The following MSRB3 variants were observed in gnomAD, a reference collection of about 807,000 sequenced individuals.
MSRB3 encodes methionine-R-sulfoxide reductase B3.
A neutral mutation model predicts 21.0 loss-of-function variants in MSRB3; 13 were observed. The observed-to-expected ratio is 0.62, with a 90% CI of 0.40 to 0.98. The LOEUF (loss-of-function observed/expected upper bound fraction) is 0.98. MSRB3 is among the 50% of genes least tolerant of loss of function. The pLI, the probability that MSRB3 is intolerant of heterozygous loss-of-function variation, is 0.00. For synonymous variants in MSRB3, 87 were observed against 88.6 expected, an observed-to-expected ratio of 0.98 and a Z score of 0.10; for missense variants, 199 against 230.3, an observed-to-expected ratio of 0.86 and a Z score of 0.88.
At chr12:65,363,517 A>C (rs1444425991) in intron 4 of MSRB3, among the ~76,000 whole-genome samples, 1 of 152,200 alleles carries the variant, frequency 6.6e-6, no homozygotes, top group Non-Finnish European at 1.5e-5. Context: ...TGATACTCGA[A>C]TTCTCCTAGT....
rs1452895339 is a variant in MSRB3 at position 65,348,997 on chromosome 12, C to T, written c.264-20001C>T. ...TATGTATACATGTGCCATGCTGGTG[C>T]GCTGCACCCACTAACTCGTCATCTA... is the stretch of plus-strand genomic sequence containing the variant. On this transcript the variant is annotated intron_variant, in intron 4 of 6. Coordinates refer to ENST00000308259, the MANE Select transcript of MSRB3 (RefSeq NM_001031679.3). Among the ~76,000 whole-genome samples the T allele has an allele frequency of 6.6e-5, 10 of 151,876 alleles. No homozygotes were observed. In the East Asian group the frequency reaches 7.8e-4, roughly 12 times the overall value.
intron 5 of MSRB3, among the ~76,000 whole-genome samples, chr12:65,376,450 C>T (rs1257548975): frequency 6.6e-6 from 1 of 152,172 alleles, no homozygotes; most frequent in Admixed American, 6.5e-5. Context: ...CCTGTGTTGT[C>T]AGCTCCACAT....
Position 65,313,289 on chromosome 12 carries a change from A to G in MSRB3, c.76+4634A>G, listed in dbSNP as rs185391600. Among the ~76,000 whole-genome samples, 8 of 152,250 alleles carry G rather than the reference A, an allele frequency of 5.3e-5. No homozygotes were observed. In the East Asian group the frequency reaches 1.5e-3, roughly 29 times the overall value. On this transcript the variant is annotated intron_variant, in intron 2 of 6. Transcript: ENST00000308259. The stretch of plus-strand genomic sequence containing the variant: ...ATTAAAGCCACATCCATCAGTAACA[A>G]GTACTTATTCAATTTGAGCTGGCAA...
chr12:65,446,385 C>T (rs553527672), intron 5 of MSRB3, among the ~76,000 whole-genome samples: 33 of 152,188 alleles, frequency 2.2e-4, no homozygotes, highest in Middle Eastern at 3.4e-3. Context: ...CCAGTTAAAG[C>T]GGCTAAAACT....
chr12:65,433,724 T>C (rs2136667682), intron 5 of MSRB3, among the ~76,000 whole-genome samples: 1 of 152,086 alleles, frequency 6.6e-6, no homozygotes, highest in East Asian at 1.9e-4. Context: ...ATTTAGTTTC[T>C]GCTTAGGGAA....
Position 65,459,101 on chromosome 12 carries a change from A to T in MSRB3, c.391-4054A>T, listed in dbSNP as rs114210979. On this transcript the variant is annotated intron_variant, in intron 6 of 6. Transcript: ENST00000308259. ...CAAATGGGAGACTAATAAATCACTT[A>T]ACTTTTTGTAATATTTTTTTAAGGA... Among the ~76,000 whole-genome samples the T allele has an allele frequency of 3.7e-3, 483 of 130,038 alleles. 2 individuals carry two copies. The highest frequency in any genetic ancestry group is 0.013 in the Middle Eastern group (3 of 226). 85.3% of individuals were successfully genotyped at this position (130,038 alleles called of 152,430 possible).
intron 4 of MSRB3, among the ~76,000 whole-genome samples, chr12:65,338,176 A>G (rs1280708410): frequency 6.6e-6 from 1 of 152,272 alleles, no homozygotes; most frequent in Non-Finnish European, 1.5e-5. Flanking sequence ...ATTCCCTGCC[A>G]TGTTTTCTGA....
At chr12:65,322,816 A>C (rs1592524071) in intron 2 of MSRB3, among the ~76,000 whole-genome samples, 1 of 152,270 alleles carries the variant, frequency 6.6e-6, no homozygotes, top group East Asian at 1.9e-4. Flanking sequence ...TGTATCTGTA[A>C]AATGGGCATG....
At chr12:65,386,704 T>C (rs1879212792) in intron 5 of MSRB3, among the ~76,000 whole-genome samples, 1 of 151,824 alleles carries the variant, frequency 6.6e-6, no homozygotes, top group African/African-American at 2.4e-5. Context: ...TCTTTAAGAG[T>C]AGTATTTTTA....
At chr12:65,403,168 G>A (rs1323527746) in intron 5 of MSRB3, among the ~76,000 whole-genome samples, 2 of 152,226 alleles carry the variant, frequency 1.3e-5, no homozygotes, top group Non-Finnish European at 2.9e-5. Context: ...AGAGCTGGCA[G>A]GCAGGAACGT....
At chr12:65,463,021 G>A (rs1257605773) in intron 6 of MSRB3, 134 bp from the exon 7 acceptor site, 28 of 1,104,360 alleles carry the variant, frequency 2.5e-5, no homozygotes, top group African/African-American at 1.1e-4. Context: ...ATTGACAGGC[G>A]GATTAGAAAT....
At chr12:65,439,406 C>T (rs988341632) in intron 5 of MSRB3, among the ~76,000 whole-genome samples, 2 of 151,446 alleles carry the variant, frequency 1.3e-5, no homozygotes, top group Non-Finnish European at 3.0e-5. Flanking sequence ...TAGAGGATAA[C>T]CCAATAGTAC....
chr12:65,334,421 AAAG>A (rs1875628588), intron 4 of MSRB3, among the ~76,000 whole-genome samples: 1 of 152,234 alleles, frequency 6.6e-6, no homozygotes, highest in African/African-American at 2.4e-5. Context: ...AACATTTAAA[AAAG>A]AAGAAAGTTA....
At chr12:65,307,114 T>C in intron 1 of MSRB3, 17 of 877,294 alleles carry the variant, frequency 1.9e-5, no homozygotes, top group Non-Finnish European at 2.3e-5. Flanking sequence ...TTGTGAGGTA[T>C]AGACCTTTGA....
intron 4 of MSRB3, among the ~76,000 whole-genome samples, chr12:65,337,953 T>A (rs747265870): frequency 6.6e-6 from 1 of 152,212 alleles, no homozygotes; most frequent in Non-Finnish European, 1.5e-5. Flanking sequence ...TTTGAGATAA[T>A]AGATTATGAT....
chr12:65,361,384 C>T (rs1453556090), intron 4 of MSRB3, among the ~76,000 whole-genome samples: 1 of 152,090 alleles, frequency 6.6e-6, no homozygotes, highest in East Asian at 1.9e-4. Context: ...TTCTGTTTGT[C>T]TCTGTTGGCT....
At chr12:65,293,541 C>T (rs1872776880) in intron 1 of MSRB3, among the ~76,000 whole-genome samples, 1 of 152,196 alleles carries the variant, frequency 6.6e-6, no homozygotes, top group Non-Finnish European at 1.5e-5. Context: ...TGGAATACTT[C>T]TTTCCTTATT....
At chr12:65,448,189 G>A (rs1882703327) in intron 5 of MSRB3, among the ~76,000 whole-genome samples, 1 of 152,146 alleles carries the variant, frequency 6.6e-6, no homozygotes, top group African/African-American at 2.4e-5. Context: ...CTTACAGAGT[G>A]GGGAGCTGAA....
At chr12:65,319,466 C>G (rs1426729245) in intron 2 of MSRB3, among the ~76,000 whole-genome samples, 1 of 152,100 alleles carries the variant, frequency 6.6e-6, no homozygotes, top group African/African-American at 2.4e-5. Context: ...ATGATTAAAT[C>G]TAGGTGGGAA....
Sources: allele counts gnomAD v4.1 joint callset (sites outside exome capture counted in the v4.1 genomes callset), GRCh38; gene constraint gnomAD v4.1.1; transcripts MANE v1.5; gene names NCBI Gene and HGNC (gene_info 2026-07-23, HGNC 2026-07-21).